Variants in GALNT13 observed in about 807,000 individuals in gnomAD.
GALNT13 encodes polypeptide N-acetylgalactosaminyltransferase 13.
In GALNT13, 28 loss-of-function variants were observed where a neutral mutation model predicts 64.2. The ratio of observed to expected loss-of-function variants is 0.44; its 90% CI spans 0.32 to 0.60. The LOEUF is 0.60. Ranked by LOEUF, GALNT13 falls within the 20% of genes least tolerant of loss-of-function variation. GALNT13 has a pLI of 0.05. For synonymous variants in GALNT13, 214 were observed against 224.6 expected (o/e 0.95, Z 0.42); for missense variants, 577 against 669.8 (o/e 0.86, Z 1.53).
At chr2:153,239,398 A>G in the GALNT13 span, among the ~76,000 whole-genome samples, 1 of 152,214 alleles carries the variant, frequency 6.6e-6, no homozygotes, top group African/African-American at 2.4e-5. Flanking sequence ...AAAACTGAGC[A>G]TTGTTTTCTT....
intron 4 of GALNT13, among the ~76,000 whole-genome samples, chr2:154,196,101 ACCT>A (rs1686863669): frequency 6.6e-6 from 1 of 152,190 alleles, no homozygotes; most frequent in Non-Finnish European, 1.5e-5. Context: ...TTCCACTGAG[ACCT>A]ATGAACACAA....
At chr2:153,781,161 T>A in the GALNT13 span, among the ~76,000 whole-genome samples, 1 of 152,184 alleles carries the variant, frequency 6.6e-6, no homozygotes, top group African/African-American at 2.4e-5. Flanking sequence ...TTCGATTCCA[T>A]TGAATTGAAG....
intron 3 of GALNT13, among the ~76,000 whole-genome samples, chr2:154,087,499 T>C (rs1574477141): frequency 6.6e-6 from 1 of 152,232 alleles, no homozygotes; most frequent in East Asian, 1.9e-4. Flanking sequence ...TAGTCCATTA[T>C]ACACTTACTT....
At chr2:153,915,345 A>G (rs925395909) in intron 2 of GALNT13, among the ~76,000 whole-genome samples, 1 of 152,152 alleles carries the variant, frequency 6.6e-6, no homozygotes, top group Non-Finnish European at 1.5e-5. Flanking sequence ...TCTGGACTGA[A>G]TCTTTCCTCA....
chr2:153,715,772 C>G, the GALNT13 span, among the ~76,000 whole-genome samples: 1 of 151,870 alleles, frequency 6.6e-6, no homozygotes, highest in East Asian at 1.9e-4. Context: ...ATCCTCAATT[C>G]TCAGTTCACT....
chr2:154,369,571 C>A (rs533200747), intron 9 of GALNT13, among the ~76,000 whole-genome samples: 10 of 152,016 alleles, frequency 6.6e-5, no homozygotes, highest in Admixed American at 1.3e-4. Flanking sequence ...GAATATTTGG[C>A]CCCTCCAAAG....
At chr2:153,553,538 G>A in the GALNT13 span, among the ~76,000 whole-genome samples, 1 of 152,094 alleles carries the variant, frequency 6.6e-6, no homozygotes, top group Non-Finnish European at 1.5e-5. Context: ...GATGAGAGCA[G>A]GTCAATGAAT....
chr2:154,410,104 C>T (rs1411176547), intron 11 of GALNT13, among the ~76,000 whole-genome samples: 18 of 151,788 alleles, frequency 1.2e-4, no homozygotes, highest in Admixed American at 1.2e-3. Flanking sequence ...TTCTAAATTA[C>T]AGCATGGGAA....
chr2:153,535,898 C>A, the GALNT13 span, among the ~76,000 whole-genome samples: 6 of 152,182 alleles, frequency 3.9e-5, no homozygotes, highest in East Asian at 1.2e-3. Flanking sequence ...ACTTAAGTCT[C>A]ACAGAAGGGA....
chr2:153,594,772 A>T, the GALNT13 span, among the ~76,000 whole-genome samples: 2 of 152,156 alleles, frequency 1.3e-5, no homozygotes, highest in Admixed American at 1.3e-4. Context: ...TAGTTTTACA[A>T]GTTAAAAGCA....
chr2:154,147,991 A>C (rs1250004054), intron 4 of GALNT13, among the ~76,000 whole-genome samples: 1 of 151,874 alleles, frequency 6.6e-6, no homozygotes, highest in Non-Finnish European at 1.5e-5. Context: ...ATATGTATAC[A>C]TGTGCCATGC....
chr2:153,367,211 T>C, the GALNT13 span, among the ~76,000 whole-genome samples: 1 of 152,016 alleles, frequency 6.6e-6, no homozygotes, highest in African/African-American at 2.4e-5. Flanking sequence ...TAAAGTAAAA[T>C]AGTGATGCAT....
the GALNT13 span, among the ~76,000 whole-genome samples, chr2:153,458,912 C>T: frequency 6.6e-6 from 1 of 152,024 alleles, no homozygotes; most frequent in African/African-American, 2.4e-5. Context: ...TACTATTGGC[C>T]TTTACTTGTT....
chr2:153,141,931 A>T, the GALNT13 span, among the ~76,000 whole-genome samples: 1 of 152,052 alleles, frequency 6.6e-6, no homozygotes, highest in Admixed American at 6.6e-5. Context: ...TCCTCAATAA[A>T]TTAATGAACC....
At chr2:153,669,575 T>C in the GALNT13 span, among the ~76,000 whole-genome samples, 1 of 152,114 alleles carries the variant, frequency 6.6e-6, no homozygotes, top group African/African-American at 2.4e-5. Context: ...GATGGCCAAA[T>C]AGGAACAGCT....
chr2:154,301,443 C>G lies in GALNT13; in HGVS notation c.1010C>G (p.Thr337Ser), dbSNP rs1693435964. The G allele has an allele frequency of 1.8e-5, 29 of 1,613,256 alleles. No individual in the cohort carries two copies. Among genetic ancestry groups the G allele is most frequent in the Non-Finnish European group, 2.5e-5 (29 of 1,179,386 alleles). ...WQCGGSLEIVTCSHVGHVFRK... is the reference protein window; with the variant it reads ...WQCGGSLEIVSCSHVGHVFRK... ...TGTGGAGGCTCCTTGGAGATTGTTA[C>G]TTGCTCCCATGTTGGTCATGTTTTT... Residue 337 changes from threonine to serine, a missense_variant, in exon 9 of 13, where the codon ACT (threonine) becomes AGT (serine). Thr to Ser is a moderately conservative substitution (Grantham distance 58). Around this residue, in one of 3 missense-constraint regions of GALNT13, gnomAD observed 232 missense variants for 270.6 expected, o/e 0.86. Transcript: ENST00000392825.
At chr2:154,443,326 G>C (rs73965456) in intron 12 of GALNT13, among the ~76,000 whole-genome samples, 4,824 of 152,052 alleles carry the variant, frequency 0.032, 266 homozygotes, top group African/African-American at 0.11. Context: ...GACTGAATGC[G>C]TAGATTACCT....
chr2:154,193,401 T>A (rs921521498), intron 4 of GALNT13, among the ~76,000 whole-genome samples: 2 of 152,192 alleles, frequency 1.3e-5, no homozygotes, highest in Admixed American at 1.3e-4. Flanking sequence ...CAGAATTAGG[T>A]CATCTCTCCT....
intron 4 of GALNT13, among the ~76,000 whole-genome samples, chr2:154,159,770 T>C (rs1483064515): frequency 6.6e-6 from 1 of 152,156 alleles, no homozygotes; most frequent in East Asian, 1.9e-4. Context: ...TACTACAGTG[T>C]GCACTATAAC....
Sources: allele counts gnomAD v4.1 joint callset (sites outside exome capture counted in the v4.1 genomes callset), GRCh38; gene constraint gnomAD v4.1.1; regional missense constraint gnomAD v4.1.1; transcripts MANE v1.5; gene names NCBI Gene and HGNC (gene_info 2026-07-23, HGNC 2026-07-21).